Variants in KIAA1210 observed in about 807,000 individuals in gnomAD.
The protein encoded by KIAA1210 is acrosomal protein KIAA1210.
Under a neutral mutation model 78.9 loss-of-function variants are expected in KIAA1210, and 48 were observed. That is an observed-to-expected ratio of 0.61 (90% CI 0.48 to 0.77). KIAA1210 has a LOEUF of 0.77. KIAA1210 is among the 30% of genes least tolerant of loss of function. The pLI, the probability that KIAA1210 is intolerant of heterozygous loss-of-function variation, is 0.00. For missense variants in KIAA1210, 1,108 were observed against 1,100.0 expected (o/e 1.01, Z -0.10); for synonymous variants, 406 against 404.5 (o/e 1.00, Z -0.04).
chrX:119,116,241 C>T (rs757060462), intron 3 of KIAA1210, among the ~76,000 whole-genome samples: 2 of 112,280 alleles, frequency 1.8e-5, no homozygotes, highest in African/African-American at 3.2e-5. Flanking sequence ...TCAGTGCTCT[C>T]GGGAAGTGGG....
At chrX:119,083,225 G>T in intron 10 of KIAA1210, 105 bp from the exon 11 acceptor site, 1 of 448,522 alleles carries the variant, frequency 2.2e-6, no homozygotes, top group Non-Finnish European at 3.6e-6. Flanking sequence ...TGGGTACTAT[G>T]AGTTTAACAG....
At chrX:119,083,265 G>T (rs1927024399) in intron 10 of KIAA1210, 145 bp from the exon 11 acceptor site, 1 of 370,133 alleles carries the variant, frequency 2.7e-6, no homozygotes, top group African/African-American at 2.6e-5. Context: ...TAGAAATATA[G>T]AGATAGATAA....
chrX:119,117,833 G>A (rs772489942), intron 2 of KIAA1210, among the ~76,000 whole-genome samples: 4 of 110,754 alleles, frequency 3.6e-5, no homozygotes, highest in Admixed American at 1.9e-4. Flanking sequence ...TCTCAAACGC[G>A]AACTCTTGGG....
chrX:119,117,843 G>T (rs1347822046), intron 2 of KIAA1210, among the ~76,000 whole-genome samples: 3 of 110,852 alleles, frequency 2.7e-5, no homozygotes, highest in African/African-American at 9.8e-5. Flanking sequence ...GAACTCTTGG[G>T]CTCAAGTGAT....
At chrX:119,094,133 C>T (rs770581111) in intron 7 of KIAA1210, 2 of 918,556 alleles carry the variant, frequency 2.2e-6, no homozygotes, top group South Asian at 2.1e-5. Flanking sequence ...AACAATCATG[C>T]CCTCGGCCAT....
intron 8 of KIAA1210, among the ~76,000 whole-genome samples, chrX:119,090,788 A>G (rs1410557169): frequency 9.0e-6 from 1 of 111,570 alleles, no homozygotes; most frequent in African/African-American, 3.3e-5. Context: ...CCAAGAAGCA[A>G]CACAGGAACT....
rs941733011 is a variant in KIAA1210, at chrX:119,081,024, G to A, written c.*305C>T. On this transcript the variant is annotated 3_prime_UTR_variant, in exon 12 of 12. Coordinates refer to ENST00000691062, the MANE Select transcript of KIAA1210 (RefSeq NM_001394962.1). ...TCACGCCTGTAATCCCAGCTTTTGG[G>A]AGGCTGAGGCGGGCGGATCACGAGG... 3.2e-5 allele frequency: 5 copies of A among 156,996 alleles called. No homozygotes were observed. The highest frequency in any genetic ancestry group is 2.4e-4 in the Admixed American group (3 of 12,410). 12.9% of individuals were successfully genotyped at this position (156,996 alleles called of 1,213,427 possible). A position where few individuals can be genotyped will look rare whatever the true frequency, so the allele number is the denominator to read the frequency against.
chrX:119,105,830 A>T (rs1336548076), intron 5 of KIAA1210, among the ~76,000 whole-genome samples: 1 of 111,970 alleles, frequency 8.9e-6, no homozygotes, highest in African/African-American at 3.3e-5. Context: ...AAAATGGTAC[A>T]CTTGACTTTG....
At chrX:119,094,029 G>C in intron 7 of KIAA1210, 1 of 1,207,814 alleles carries the variant, frequency 8.3e-7, no homozygotes, top group Non-Finnish European at 1.1e-6. Context: ...TAATGTCTGA[G>C]TGACACACTG....
intron 1 of KIAA1210, among the ~76,000 whole-genome samples, chrX:119,125,460 A>T (rs372710797): frequency 1.8e-5 from 2 of 108,211 alleles, no homozygotes; most frequent in East Asian, 5.8e-4. Flanking sequence ...CAAAGTGATC[A>T]TGAAAAGGAT....
At chrX:119,109,441 C>G (rs1212428283) in intron 3 of KIAA1210, among the ~76,000 whole-genome samples, 1 of 111,924 alleles carries the variant, frequency 8.9e-6, no homozygotes, top group East Asian at 2.8e-4. Context: ...AGGATATCCA[C>G]AAATTGTTAG....
Position 119,082,999 on chromosome X carries a change from G to C in KIAA1210, c.4426+16C>G. 8.8e-7 allele frequency: 1 copy of C among 1,135,580 alleles called. No individual in the cohort carries two copies. The allele number at this position is 1,135,580 out of a possible 1,213,427, so 93.6% of individuals were successfully genotyped here. ...GTCGGGGCTGTTTTTTGAGAGGTCA[G>C]AATGTATGCTTTTACCTGATTTTGT... is the stretch of plus-strand genomic sequence containing the variant. On this transcript the variant is annotated intron_variant, in intron 11 of 11. Transcript: ENST00000691062.
intron 2 of KIAA1210, among the ~76,000 whole-genome samples, chrX:119,144,484 T>C (rs781160812): frequency 6.2e-5 from 7 of 112,131 alleles, no homozygotes; most frequent in Admixed American, 1.9e-4. Context: ...CATAGACAGC[T>C]AGGGGAGAAG....
intron 2 of KIAA1210, among the ~76,000 whole-genome samples, chrX:119,146,153 A>ATC (rs1929161729): frequency 8.9e-6 from 1 of 112,306 alleles, no homozygotes; most frequent in Non-Finnish European, 1.9e-5. Flanking sequence ...ACACAACTGA[A>ATC]AATGCACTTT....
At chrX:119,147,589 A>C (rs1281928120) in exon 2 of KIAA1210, 2 of 1,210,177 alleles carry the variant, frequency 1.7e-6, no homozygotes, top group Non-Finnish European at 1.1e-6. Context: ...AAAAGCATCC[A>C]GGTCCTGTTG....
Position 119,087,642 on chromosome X carries a change from G to C in KIAA1210, c.3060C>G (p.Phe1020Leu), listed in dbSNP as rs202170203. ...AGATTTGCTGTGCCATAAATTTCAC[G>C]AATGACTGGGTCGGACGCCTGGGAA... ...SPIPRRPTQS[F>L]VKFMAQQIFS... The change falls in exon 9 of 12, where the codon TTC becomes TTG. Residue 1020 changes from phenylalanine to leucine, a missense_variant. This residue lies in a region of KIAA1210 where 179 missense variants were observed against 174.1 expected (regional missense o/e 1.03). Coordinates refer to ENST00000691062, the MANE Select transcript of KIAA1210 (RefSeq NM_001394962.1). 351 of 1,209,365 alleles carry C rather than the reference G, an allele frequency of 2.9e-4. No homozygotes were observed. The African/African-American group carries it at 5.1e-3, about 17-fold the overall frequency.
rs1926845907 is a variant in KIAA1210, at chrX:119,078,709, A to T, written c.*2620T>A. The stretch of plus-strand genomic sequence containing the variant: ...TTAAAGAAGTAGAAAAGTTGTCAGA[A>T]TATGCCTTTAGGCATTTAAAAAGAA... On this transcript the variant is annotated 3_prime_UTR_variant, in exon 12 of 12. Transcript: ENST00000691062. 1 of 113,195 alleles carries T rather than the reference A, an allele frequency of 8.8e-6. No individual in the cohort carries two copies. The highest frequency in any genetic ancestry group is 9.3e-5 in the Admixed American group (1 of 10,752). The allele number at this position is 113,195 out of a possible 1,213,427, so 9.3% of individuals were successfully genotyped here.
chrX:119,118,924 C>T (rs1426412011), intron 2 of KIAA1210, among the ~76,000 whole-genome samples: 1 of 112,254 alleles, frequency 8.9e-6, no homozygotes, highest in Non-Finnish European at 1.9e-5. Flanking sequence ...TGTAGGCAAG[C>T]CCTCCTTAGC....
intron 2 of KIAA1210, among the ~76,000 whole-genome samples, chrX:119,117,847 A>G (rs1424580714): frequency 9.0e-6 from 1 of 111,127 alleles, no homozygotes; most frequent in Non-Finnish European, 1.9e-5. Context: ...TCTTGGGCTC[A>G]AGTGATCCAC....
Sources: gnomAD v4.1 joint callset for allele counts (sites outside exome capture counted in the v4.1 genomes callset) on GRCh38, gnomAD v4.1.1 for gene constraint, gnomAD v4.1.1 regional missense constraint, MANE v1.5 for transcripts, NCBI Gene and HGNC (gene_info 2026-07-23, HGNC 2026-07-21) for gene names.